Variants in CSMD1 observed in about 807,000 individuals in gnomAD.
The protein encoded by CSMD1 is CUB and sushi domain-containing protein 1.
In CSMD1, 213 loss-of-function variants were observed where a neutral mutation model predicts 417.5. That is an observed-to-expected ratio of 0.51 (90% confidence interval 0.46 to 0.57). The LOEUF is 0.57. CSMD1 is among the 20% of genes least tolerant of loss of function. CSMD1 has a pLI of 0.00. For missense variants in CSMD1, 6,923 were observed against 4,529.7 expected (o/e 1.53, Z -15.17); for synonymous variants, 2,862 against 1,736.8 (o/e 1.65, Z -16.11).
intron 1 of CSMD1, among the ~76,000 whole-genome samples, chr8:4,807,062 G>A (rs1394657116): frequency 6.6e-6 from 1 of 152,120 alleles, no homozygotes; most frequent in Non-Finnish European, 1.5e-5. Context: ...AATAGAAAAA[G>A]AATTAAATAT....
chr8:4,431,545 T>A (rs1193632135), intron 2 of CSMD1, among the ~76,000 whole-genome samples: 1 of 152,106 alleles, frequency 6.6e-6, no homozygotes, highest in East Asian at 1.9e-4. Flanking sequence ...ACCCTGATAA[T>A]CTACACCAGC....
At chr8:4,898,327 C>A (rs1045013893) in intron 1 of CSMD1, among the ~76,000 whole-genome samples, 5 of 152,072 alleles carry the variant, frequency 3.3e-5, no homozygotes, top group African/African-American at 1.2e-4. Context: ...TTGACAGGGT[C>A]CATTAGATTT....
At chr8:4,153,430 C>A (rs1397025194) in intron 3 of CSMD1, among the ~76,000 whole-genome samples, 1 of 152,176 alleles carries the variant, frequency 6.6e-6, no homozygotes, top group Non-Finnish European at 1.5e-5. Context: ...GTTGCCTGTG[C>A]CCCGCACTTA....
intron 52 of CSMD1, among the ~76,000 whole-genome samples, chr8:3,009,700 C>G (rs1490769869): frequency 6.6e-6 from 1 of 152,112 alleles, no homozygotes; most frequent in African/African-American, 2.4e-5. Context: ...ACCGACTTAG[C>G]CCATGCATAG....
At chr8:3,595,907 T>A (rs1801069710) in intron 8 of CSMD1, among the ~76,000 whole-genome samples, 1 of 152,182 alleles carries the variant, frequency 6.6e-6, no homozygotes, top group South Asian at 2.1e-4. Flanking sequence ...GAATCATGGC[T>A]TGGGAAGGAG....
intron 7 of CSMD1, among the ~76,000 whole-genome samples, chr8:3,643,724 G>GAAAAAAAAAAAAAAAAAAAAAAAA (rs1431798280): frequency 1.7e-5 from 2 of 120,832 alleles, no homozygotes; most frequent in Admixed American, 8.0e-5. Flanking sequence ...AAAAAAAAAG[G>GAAAAAAAAAAAAAAAAAAAAAAAA]AAATGCCTCC....
At chr8:3,648,355 T>C (rs888333473) in intron 7 of CSMD1, among the ~76,000 whole-genome samples, 3 of 152,210 alleles carry the variant, frequency 2.0e-5, no homozygotes, top group Non-Finnish European at 4.4e-5. Flanking sequence ...ATTTTGGTCA[T>C]GACAGAGAAA....
At chr8:3,608,391 G>T (rs541802393) in intron 8 of CSMD1, among the ~76,000 whole-genome samples, 1 of 152,084 alleles carries the variant, frequency 6.6e-6, no homozygotes, top group Non-Finnish European at 1.5e-5. Flanking sequence ...AAGTTTCAGA[G>T]AATTCAGGGA....
chr8:3,072,705 G>A (rs1257998827), intron 49 of CSMD1, among the ~76,000 whole-genome samples: 1 of 152,148 alleles, frequency 6.6e-6, no homozygotes, highest in Non-Finnish European at 1.5e-5. Context: ...ACGATGCCAA[G>A]AATCTGAACT....
intron 10 of CSMD1, among the ~76,000 whole-genome samples, chr8:3,529,915 G>A (rs998078424): frequency 6.6e-6 from 1 of 152,162 alleles, no homozygotes; most frequent in African/African-American, 2.4e-5. Flanking sequence ...GGCCTTTCTA[G>A]TCATAGAATC....
At chr8:4,006,223 A>G (rs141161067) in intron 4 of CSMD1, among the ~76,000 whole-genome samples, 3 of 152,260 alleles carry the variant, frequency 2.0e-5, no homozygotes, top group East Asian at 1.9e-4. Context: ...ACAGAAATAT[A>G]TTGACTTTGT....
chr8:4,349,705 T>A (rs765815585), intron 3 of CSMD1, among the ~76,000 whole-genome samples: 11 of 152,284 alleles, frequency 7.2e-5, no homozygotes, highest in Non-Finnish European at 1.6e-4. Flanking sequence ...TACCTATAAA[T>A]ACAATCATCA....
chr8:3,200,610 G>A (rs577112250), intron 32 of CSMD1, among the ~76,000 whole-genome samples: 51 of 151,264 alleles, frequency 3.4e-4, no homozygotes, highest in Non-Finnish European at 5.6e-4. Flanking sequence ...ATATATAAAA[G>A]TGCATATAAA....
intron 3 of CSMD1, among the ~76,000 whole-genome samples, chr8:4,124,448 A>G: frequency 6.6e-6 from 1 of 152,136 alleles, no homozygotes. Context: ...AAACCCACGA[A>G]GCTGCAGATG....
chr8:2,952,292 A>C (rs596891), intron 65 of CSMD1, among the ~76,000 whole-genome samples: 47 of 152,102 alleles, frequency 3.1e-4, no homozygotes, highest in African/African-American at 1.1e-3. Flanking sequence ...CCATTTTTTA[A>C]AAAGTCCATT....
At chr8:4,727,510 GA>G (rs770036175) in intron 1 of CSMD1, among the ~76,000 whole-genome samples, 2 of 152,112 alleles carry the variant, frequency 1.3e-5, no homozygotes, top group Non-Finnish European at 2.9e-5. Flanking sequence ...AAAAGCAAGT[GA>G]AATAATGCCT....
At chr8:3,568,596 T>A (rs916723859) in intron 10 of CSMD1, among the ~76,000 whole-genome samples, 8 of 152,172 alleles carry the variant, frequency 5.3e-5, no homozygotes, top group Non-Finnish European at 8.8e-5. Flanking sequence ...TGTGTGTATA[T>A]CAATGTATTT....
chr8:4,496,183 A>C lies in CSMD1; in HGVS notation c.303-76118T>G, dbSNP rs562158610. Among the ~76,000 whole-genome samples, 9 of 152,320 alleles carry C rather than the reference A, an allele frequency of 5.9e-5. No individual in the cohort carries two copies. The East Asian group carries it at 1.5e-3, about 26-fold the overall frequency. On this transcript the variant is annotated intron_variant, in intron 2 of 69. Coordinates refer to ENST00000635120, the MANE Select transcript of CSMD1 (RefSeq NM_033225.6). ...AACCATACTATGAAGAGAAAATTTA[A>C]ATTCCATGTTTATCCTGCTCATTTT...
chr8:4,221,430 G>A (rs1027046753), intron 3 of CSMD1, among the ~76,000 whole-genome samples: 3 of 151,804 alleles, frequency 2.0e-5, no homozygotes, highest in Non-Finnish European at 2.9e-5. Context: ...AGAAGCTACT[G>A]GGTTAACAGA....
Sources: allele counts gnomAD v4.1 joint callset (sites outside exome capture counted in the v4.1 genomes callset), GRCh38; gene constraint gnomAD v4.1.1; transcripts MANE v1.5; gene names NCBI Gene and HGNC (gene_info 2026-07-23, HGNC 2026-07-21).